Variants in CACNA1C observed in about 807,000 individuals in gnomAD.
CACNA1C encodes the protein calcium voltage-gated channel subunit alpha1 C, also known as voltage-dependent L-type calcium channel subunit alpha-1C.
CACNA1C carries 30 observed loss-of-function variants against 229.0 expected under a neutral mutation model. The observed-to-expected ratio is 0.13, with a 90% CI of 0.10 to 0.18. The LOEUF (loss-of-function observed/expected upper bound fraction) is 0.18. Among genes scored for constraint, CACNA1C ranks in the 10% least tolerant of loss-of-function variants. The pLI is 1.00. For synonymous variants in CACNA1C, 1,114 were observed against 1,132.5 expected (o/e 0.98, Z 0.33); for missense variants, 1,658 against 2,845.0 (o/e 0.58, Z 9.49).
rs74501434 is a variant in CACNA1C at position 2,029,306 on chromosome 12, A to G, written c.139+58105A>G. On this transcript the variant is annotated intron_variant, in intron 1 of 46. Transcript: ENST00000682462. The surrounding 1 kb of genome is among the most constrained non-coding windows in gnomAD (Gnocchi z 4.9). ...TGAGGTGTGATTCATTTCACATAAA[A>G]TTAACCTGTGTACAATGTGAAATCC... Among the ~76,000 whole-genome samples the G allele has an allele frequency of 0.028, 4,189 of 152,252 alleles. 172 individuals are homozygous for G. The highest frequency in any genetic ancestry group is 0.095 in the African/African-American group (3,938 of 41,534).
chr12:2,151,605 G>A (rs557260882), intron 3 of CACNA1C, among the ~76,000 whole-genome samples: 11 of 152,306 alleles, frequency 7.2e-5, no homozygotes, highest in Admixed American at 3.3e-4. Context: ...GAGAATAAGC[G>A]CTTGTCATAG....
In CACNA1C at chr12:2,152,725, G is replaced by C. The variant is rs1182756627; in HGVS notation, c.477+32295G>C. On this transcript the variant is annotated intron_variant, in intron 3 of 46. Transcript: ENST00000399655. This position sits in a 1 kb window ranked among gnomAD's most constrained non-coding sequence, Gnocchi z 4.2. ...AAAATAAAACAACAGATAGCACTTG[G>C]ATAAGTTGGCCAAGTTCAAGTAACA... 6.6e-6 allele frequency among the ~76,000 whole-genome samples: 1 copy of C among 152,194 alleles called. No homozygotes were observed. Among genetic ancestry groups the C allele is most frequent in the Non-Finnish European group, 1.5e-5 (1 of 68,030 alleles).
intron 29 of CACNA1C, chr12:2,612,607 T>G (rs1208119704): frequency 6.6e-6 from 1 of 152,374 alleles, no homozygotes; most frequent in Non-Finnish European, 1.5e-5. Context: ...CCAGCAAATT[T>G]CTCTGCTTTG....
At chr12:2,387,141 G>T (rs931911717) in intron 3 of CACNA1C, among the ~76,000 whole-genome samples, 1 of 152,158 alleles carries the variant, frequency 6.6e-6, no homozygotes, top group Non-Finnish European at 1.5e-5. Flanking sequence ...GGCAGGGGAG[G>T]GCACTTTCTT....
At chr12:1,991,463 AATAAT>A (rs1389655604) in intron 1 of CACNA1C, 7 of 237,628 alleles carry the variant, frequency 2.9e-5, no homozygotes, top group South Asian at 2.4e-4. Flanking sequence ...AAGTGAAATT[AATAAT>A]ATATTTTATT....
chr12:2,504,232 C>G lies in CACNA1C; in HGVS notation c.1114-610C>G, dbSNP rs1201401511. Among the ~76,000 whole-genome samples the G allele has an allele frequency of 6.6e-6, 1 of 152,124 alleles. No homozygotes were observed. Among genetic ancestry groups the G allele is most frequent in the Non-Finnish European group, 1.5e-5 (1 of 68,014 alleles). ...AGAGACAGAGTGATTCCTCTTGAGG[C>G]AGAGCGGGCCGAGGTCCCCTTCGGT... On this transcript the variant is annotated intron_variant, in intron 7 of 46. Coordinates refer to ENST00000399655, the MANE Select transcript of CACNA1C (RefSeq NM_000719.7). This position sits in a 1 kb window ranked among gnomAD's most constrained non-coding sequence, Gnocchi z 6.8.
chr12:2,118,343 C>T (rs1453186525), intron 2 of CACNA1C, among the ~76,000 whole-genome samples: 1 of 152,126 alleles, frequency 6.6e-6, no homozygotes, highest in African/African-American at 2.4e-5. Flanking sequence ...AACTGGCCAG[C>T]CTGTGGGCTC....
At chr12:2,163,222 GT>G (rs200156659) in intron 3 of CACNA1C, among the ~76,000 whole-genome samples, 9 of 123,858 alleles carry the variant, frequency 7.3e-5, no homozygotes, top group African/African-American at 2.5e-4. Flanking sequence ...AAAAAAAAAA[GT>G]GACCACTGAA....
At chr12:2,449,882 C>T (rs972826659) in intron 4 of CACNA1C, among the ~76,000 whole-genome samples, 3 of 152,186 alleles carry the variant, frequency 2.0e-5, no homozygotes, top group East Asian at 1.9e-4. Flanking sequence ...GAGGGTGGGG[C>T]GCACACAGGC....
intron 3 of CACNA1C, among the ~76,000 whole-genome samples, chr12:2,303,108 G>A (rs2094705434): frequency 6.6e-6 from 1 of 152,262 alleles, no homozygotes; most frequent in Non-Finnish European, 1.5e-5. Context: ...CCAGTCCAGA[G>A]GGATGTGGTT....
At chr12:2,441,035 G>A (rs1224833380) in intron 3 of CACNA1C, among the ~76,000 whole-genome samples, 1 of 152,198 alleles carries the variant, frequency 6.6e-6, no homozygotes, top group Non-Finnish European at 1.5e-5. Context: ...GAGTATTCAA[G>A]TTCTGAAACA....
intron 1 of CACNA1C, among the ~76,000 whole-genome samples, chr12:2,075,959 TAA>T (rs2063047975): frequency 1.3e-5 from 2 of 152,206 alleles, no homozygotes; most frequent in African/African-American, 4.8e-5. Context: ...TGCTCAGAGA[TAA>T]AAGTCAGGGA....
chr12:2,179,759 G>A (rs765425517), intron 3 of CACNA1C, among the ~76,000 whole-genome samples: 2 of 152,172 alleles, frequency 1.3e-5, no homozygotes, highest in African/African-American at 4.8e-5. Flanking sequence ...CCACAAATGA[G>A]TATTTGGCTG....
At chr12:2,634,716 G>C (rs1229057771) in intron 30 of CACNA1C, among the ~76,000 whole-genome samples, 2 of 152,072 alleles carry the variant, frequency 1.3e-5, no homozygotes, top group African/African-American at 4.8e-5. Context: ...ATGAGGGGAT[G>C]TTTGCCACTC....
At chr12:2,358,774 G>T (rs1173486829) in intron 3 of CACNA1C, among the ~76,000 whole-genome samples, 2 of 152,096 alleles carry the variant, frequency 1.3e-5, no homozygotes, top group African/African-American at 2.4e-5. Context: ...TTTAGAAACT[G>T]GTGCCCACTT....
intron 3 of CACNA1C, among the ~76,000 whole-genome samples, chr12:2,340,165 C>T (rs560152841): frequency 2.8e-4 from 42 of 152,274 alleles, no homozygotes; most frequent in African/African-American, 1.0e-3. Flanking sequence ...TAACTTTATT[C>T]TTCTATATAC....
chr12:2,153,542 A>G (rs1311480543), intron 3 of CACNA1C, among the ~76,000 whole-genome samples: 1 of 151,990 alleles, frequency 6.6e-6, no homozygotes, highest in Non-Finnish European at 1.5e-5. Flanking sequence ...CACTCTGGGA[A>G]CCTCATATAA....
At chr12:2,430,172 C>G (rs930060315) in intron 3 of CACNA1C, among the ~76,000 whole-genome samples, 3 of 152,118 alleles carry the variant, frequency 2.0e-5, no homozygotes, top group African/African-American at 4.8e-5. Context: ...TACATGAGGC[C>G]TTCTGCCCTC....
chr12:1,992,435 G>GTTC (rs1360058647), intron 1 of CACNA1C: 4 of 153,274 alleles, frequency 2.6e-5, no homozygotes, highest in African/African-American at 9.6e-5. Context: ...AGAGTAGGAT[G>GTTC]AAAAATATAC....
Sources: gnomAD v4.1 joint callset for allele counts (sites outside exome capture counted in the v4.1 genomes callset) on GRCh38, gnomAD v4.1.1 for gene constraint, Gnocchi (gnomAD v3.1) non-coding constraint, MANE v1.5 for transcripts, NCBI Gene and HGNC (gene_info 2026-07-23, HGNC 2026-07-21) for gene names.